Variants in CPA3 observed in about 807,000 individuals in gnomAD.
CPA3 encodes mast cell carboxypeptidase A.
A neutral mutation model predicts 55.8 loss-of-function variants in CPA3; 52 were observed. The ratio of observed to expected loss-of-function variants is 0.93; its 90% CI spans 0.75 to 1.17. The LOEUF (loss-of-function observed/expected upper bound fraction) is 1.17. Ranked by LOEUF, CPA3 falls within the 50% of genes most tolerant of loss-of-function variation. CPA3 has a pLI of 0.00. For synonymous variants in CPA3, 179 were observed against 171.2 expected, an observed-to-expected ratio of 1.05 and a Z score of -0.36; for missense variants, 547 against 509.1, an observed-to-expected ratio of 1.07 and a Z score of -0.72.
intron 7 of CPA3, among the ~76,000 whole-genome samples, 197 bp downstream of exon 7, chr3:148,881,829 G>A (rs914637756): frequency 6.6e-6 from 1 of 152,120 alleles, no homozygotes; most frequent in Non-Finnish European, 1.5e-5. Flanking sequence ...AATTTTTGCT[G>A]CTGAAGCTAG....
intron 3 of CPA3, among the ~76,000 whole-genome samples, chr3:148,875,694 A>G (rs1714182937): frequency 6.6e-6 from 1 of 152,234 alleles, no homozygotes; most frequent in Non-Finnish European, 1.5e-5. Flanking sequence ...AGTATCTAAA[A>G]TAAGACAGAC....
At chr3:148,895,140 A>G (rs537498218) in intron 10 of CPA3, among the ~76,000 whole-genome samples, 1 of 152,314 alleles carries the variant, frequency 6.6e-6, no homozygotes, top group Non-Finnish European at 1.5e-5. Context: ...AGGCCTCCAA[A>G]AGAAAATCTA....
intron 5 of CPA3, among the ~76,000 whole-genome samples, chr3:148,879,503 T>C (rs1227211354): frequency 6.6e-6 from 1 of 152,124 alleles, no homozygotes; most frequent in Admixed American, 6.5e-5. Flanking sequence ...ATGTTAGTAA[T>C]AAAATAAAAA....
At chr3:148,894,482 A>G (rs1714770855) in intron 10 of CPA3, among the ~76,000 whole-genome samples, 1 of 150,220 alleles carries the variant, frequency 6.7e-6, no homozygotes, top group East Asian at 1.9e-4. Flanking sequence ...AAAAAAAAAG[A>G]AATAATGGCA....
intron 10 of CPA3, among the ~76,000 whole-genome samples, chr3:148,892,384 G>A (rs113739442): frequency 0.055 from 8,436 of 152,240 alleles, 400 homozygotes; most frequent in African/African-American, 0.12. Context: ...TGAGCACGGT[G>A]GCTCATGCCT....
At chr3:148,882,725 C>T (rs1009873812) in intron 8 of CPA3, 130 bp downstream of exon 8, 2 of 687,912 alleles carry the variant, frequency 2.9e-6, no homozygotes. Flanking sequence ...GTATCTATAA[C>T]ATGAAAGACA....
At position 148,875,885 on chromosome 3, in the gene CPA3, A is replaced by G. The variant is rs189479115; in HGVS notation, c.270-2556A>G. On this transcript the variant is annotated intron_variant, in intron 3 of 10. Transcript: ENST00000296046. The stretch of plus-strand genomic sequence containing the variant: ...ATTCAACATCATTCTTAACAGTGAA[A>G]GATAAGTTTTCCTGTAAAAAGCAGA... Among the ~76,000 whole-genome samples the G allele has an allele frequency of 2.9e-3, 448 of 152,320 alleles. 1 individual carries two copies. Among genetic ancestry groups the G allele is most frequent in the African/African-American group, 0.01 (426 of 41,572 alleles).
At chr3:148,871,809 T>C (rs937271410) in intron 3 of CPA3, among the ~76,000 whole-genome samples, 1 of 152,180 alleles carries the variant, frequency 6.6e-6, no homozygotes, top group Non-Finnish European at 1.5e-5. Context: ...CTCAGAAATA[T>C]AAATATGTAA....
chr3:148,868,374 T>C (rs1317363292), intron 2 of CPA3, among the ~76,000 whole-genome samples: 1 of 152,110 alleles, frequency 6.6e-6, no homozygotes, highest in East Asian at 1.9e-4. Flanking sequence ...TTTGCCCCAT[T>C]ATTTCAGGAG....
In CPA3 at chr3:148,882,506, A is replaced by T; in HGVS notation, c.689A>T (p.Asn230Ile). 6.2e-7 allele frequency: 1 copy of T among 1,613,316 alleles called. No individual in the cohort carries two copies. The highest frequency in any genetic ancestry group is 8.5e-7 in the Non-Finnish European group (1 of 1,179,390). ...CACTTACGTCATTCAATCTGGCAGA[A>T]CCGCATGTGGAGAAAAAATCGTTCC... ...VDGYIWSWTK[N>I]RMWRKNRSKN... The change falls in exon 8 of 11, where the codon AAC becomes ATC. Residue 230 changes from asparagine to isoleucine, a missense_variant and splice_region_variant. Asn to Ile is a moderately radical substitution (Grantham distance 149). Coordinates refer to ENST00000296046, the MANE Select transcript of CPA3 (RefSeq NM_001870.4).
chr3:148,896,441 A>T, intron 10 of CPA3, 79 bp from the exon 11 acceptor site: 1 of 1,229,182 alleles, frequency 8.1e-7, no homozygotes, highest in Non-Finnish European at 1.1e-6. Context: ...TTTATTGCTA[A>T]TTATACACCA....
chr3:148,880,017 G>A (rs1714319895), intron 6 of CPA3, 128 bp downstream of exon 6: 7 of 596,028 alleles, frequency 1.2e-5, no homozygotes, highest in Non-Finnish European at 2.1e-5. Flanking sequence ...TGCTGTCAGG[G>A]AAGAAACGCT....
intron 6 of CPA3, among the ~76,000 whole-genome samples, chr3:148,880,577 C>T (rs1025750746): frequency 6.6e-6 from 1 of 152,130 alleles, no homozygotes; most frequent in South Asian, 2.1e-4. Context: ...AGTAATCTGT[C>T]CCCCTCGGCC....
At chr3:148,873,729 A>G (rs1035161116) in intron 3 of CPA3, among the ~76,000 whole-genome samples, 1 of 152,138 alleles carries the variant, frequency 6.6e-6, no homozygotes, top group Admixed American at 6.5e-5. Context: ...TCAAATTCCA[A>G]CTTCTGTATT....
chr3:148,891,800 T>G (rs570167232), intron 10 of CPA3, among the ~76,000 whole-genome samples: 15 of 152,152 alleles, frequency 9.9e-5, no homozygotes, highest in Non-Finnish European at 1.6e-4. Context: ...CGACTGCAAA[T>G]AGAGAGCTAC....
At chr3:148,883,183 T>C (rs1714417161) in intron 8 of CPA3, among the ~76,000 whole-genome samples, 2 of 152,188 alleles carry the variant, frequency 1.3e-5, no homozygotes, top group Non-Finnish European at 2.9e-5. Context: ...TATTCTACCA[T>C]AATGAACATA....
chr3:148,886,634 G>A (rs1208611883), intron 10 of CPA3, among the ~76,000 whole-genome samples: 2 of 152,150 alleles, frequency 1.3e-5, no homozygotes, highest in East Asian at 1.9e-4. Flanking sequence ...GGTCAAGACT[G>A]CCATGAGCTG....
intron 5 of CPA3, 47 bp from the exon 6 acceptor site, chr3:148,879,741 A>G (rs374273565): frequency 6.7e-5 from 82 of 1,227,366 alleles, no homozygotes; most frequent in Non-Finnish European, 1.7e-5. Flanking sequence ...CAAGGGATCA[A>G]TGTGTGAGTT....
rs756312204 is a variant in CPA3 at position 148,879,901 on chromosome 3, A to C, written c.576+12A>C. On this transcript the variant is annotated intron_variant, in intron 6 of 10. Transcript: ENST00000296046. ...GGTTTGTCTATCAGGTAAGTGAATCAGAAGACTCCCAATTCTCCTTTGACT... is the reference window on the plus strand; with the variant it reads ...GGTTTGTCTATCAGGTAAGTGAATCCGAAGACTCCCAATTCTCCTTTGACT... 2 of 1,574,098 alleles carry C rather than the reference A, an allele frequency of 1.3e-6. No individual in the cohort carries two copies. The highest frequency in any genetic ancestry group is 1.7e-6 in the Non-Finnish European group (2 of 1,144,038).
Sources: gnomAD v4.1 joint callset for allele counts (sites outside exome capture counted in the v4.1 genomes callset) on GRCh38, gnomAD v4.1.1 for gene constraint, MANE v1.5 for transcripts, NCBI Gene and HGNC (gene_info 2026-07-23, HGNC 2026-07-21) for gene names.